The following EDDM3A variants were observed in gnomAD, a reference collection of about 807,000 sequenced individuals.
EDDM3A encodes the protein epididymal protein 3A, also known as epididymal secretory protein E3-alpha.
For synonymous variants in EDDM3A, 75 were observed against 60.4 expected (o/e 1.24, Z -1.12); for missense variants, 199 against 177.4 (o/e 1.12, Z -0.69).
chr14:20,737,426 A>G, the EDDM3A span, among the ~76,000 whole-genome samples: 1 of 152,128 alleles, frequency 6.6e-6, no homozygotes, highest in South Asian at 2.1e-4. Context: ...TTTCTAATAC[A>G]AAACTACAGT....
chr14:20,742,026 C>T (rs896623977), upstream of EDDM3A, among the ~76,000 whole-genome samples: 17 of 152,198 alleles, frequency 1.1e-4, no homozygotes, highest in Admixed American at 3.3e-4. Context: ...AATACCTTAT[C>T]GATTTCTTGG....
chr14:20,742,195 G>A (rs576461518), upstream of EDDM3A, among the ~76,000 whole-genome samples: 54 of 152,344 alleles, frequency 3.5e-4, no homozygotes, highest in Non-Finnish European at 3.1e-4. Context: ...CCTACAAGAG[G>A]TGGGTACTGA....
chr14:20,747,556 CACG>C lies in EDDM3A; in HGVS notation c.-24_-22del. On this transcript the variant is annotated splice_region_variant and 5_prime_UTR_variant, in exon 2 of 2. Transcript: ENST00000326842. Reference sequence around the variant, plus strand: ...TGCTTTTCTTTCTCTTCCCTGTAGACACGCAGGTGGACGTGGTGACTGAGATGA... The same window carrying C: ...TGCTTTTCTTTCTCTTCCCTGTAGACCAGGTGGACGTGGTGACTGAGATGA... 3 of 1,551,844 alleles carry C rather than the reference CACG, an allele frequency of 1.9e-6. No individual in the cohort carries two copies. Among genetic ancestry groups the C allele is most frequent in the Non-Finnish European group, 2.6e-6 (3 of 1,143,490 alleles).
chr14:20,742,393 C>T (rs1183578130), upstream of EDDM3A, among the ~76,000 whole-genome samples: 1 of 152,198 alleles, frequency 6.6e-6, no homozygotes. Flanking sequence ...CTTGCTGGTC[C>T]TCGCGTAAGA....
At chr14:20,736,202 A>G in the EDDM3A span, among the ~76,000 whole-genome samples, 3 of 150,932 alleles carry the variant, frequency 2.0e-5, no homozygotes, top group Non-Finnish European at 2.9e-5. Context: ...CTCCACCTCC[A>G]GGTTTCTAGC....
chr14:20,741,793 G>T (rs915169819), upstream of EDDM3A, among the ~76,000 whole-genome samples: 8 of 152,158 alleles, frequency 5.3e-5, no homozygotes, highest in South Asian at 6.2e-4. Context: ...TATTTCCCAT[G>T]TGGAGCCCTG....
intron 1 of EDDM3A, among the ~76,000 whole-genome samples, 195 bp from the exon 2 acceptor site, chr14:20,747,360 C>G (rs895047106): frequency 5.3e-5 from 8 of 152,110 alleles, no homozygotes; most frequent in Admixed American, 1.3e-4. Context: ...GCCTCCCAAA[C>G]TGCTGGGATT....
rs907677908 is a variant in EDDM3A at position 20,748,086 on chromosome 14, T to A, written c.*62T>A. The stretch of plus-strand genomic sequence containing the variant: ...TCAGTGCTTCCAAAGTGGTGGGCCC[T>A]GCCTCCATCAATAGCCCCTGCCACT... On this transcript the variant is annotated 3_prime_UTR_variant, in exon 2 of 2. Transcript: ENST00000326842. The A allele has an allele frequency of 3.1e-6, 4 of 1,273,082 alleles. No homozygotes were observed. The African/African-American group carries it at 6.0e-5, about 19-fold the overall frequency. The allele number at this position is 1,273,082 out of a possible 1,614,324, so 78.9% of individuals were successfully genotyped here.
At chr14:20,746,933 A>G (rs990943974) in intron 1 of EDDM3A, among the ~76,000 whole-genome samples, 2 of 152,136 alleles carry the variant, frequency 1.3e-5, no homozygotes, top group Non-Finnish European at 2.9e-5. Context: ...ATCTCCTGAG[A>G]GCTTATTTGG....
upstream of EDDM3A, among the ~76,000 whole-genome samples, chr14:20,745,500 T>G (rs1379596630): frequency 1.4e-5 from 2 of 146,922 alleles, no homozygotes; most frequent in African/African-American, 2.5e-5. Context: ...CACTCCAGCC[T>G]GGGCAACAGA....
At chr14:20,743,069 T>C (rs1477936047), upstream of EDDM3A, among the ~76,000 whole-genome samples, 1 of 152,164 alleles carries the variant, frequency 6.6e-6, no homozygotes, top group Non-Finnish European at 1.5e-5. Context: ...AAAATAGAGA[T>C]GTAATTTTCT....
chr14:20,746,460 G>T (rs2139081364), intron 1 of EDDM3A, among the ~76,000 whole-genome samples: 1 of 152,294 alleles, frequency 6.6e-6, no homozygotes, highest in Non-Finnish European at 1.5e-5. Context: ...AGGACAGATA[G>T]CTGGTAAAGA....
chr14:20,738,506 T>TAAATAAATAA, the EDDM3A span, among the ~76,000 whole-genome samples: 171 of 144,426 alleles, frequency 1.2e-3, no homozygotes, highest in African/African-American at 4.2e-3. Context: ...AATAAATAAA[T>TAAATAAATAA]AAACAGTAGC....
In EDDM3A at chr14:20,748,080, G is replaced by A. The variant is rs1877664023; in HGVS notation, c.*56G>A. On this transcript the variant is annotated 3_prime_UTR_variant, in exon 2 of 2. Coordinates refer to ENST00000326842, the MANE Select transcript of EDDM3A (RefSeq NM_006683.5). Reference sequence around the variant, plus strand: ...GAGTATTCAGTGCTTCCAAAGTGGTGGGCCCTGCCTCCATCAATAGCCCCT... The same window carrying A: ...GAGTATTCAGTGCTTCCAAAGTGGTAGGCCCTGCCTCCATCAATAGCCCCT... 2 of 1,397,924 alleles carry A rather than the reference G, an allele frequency of 1.4e-6. No individual in the cohort carries two copies. Among genetic ancestry groups the A allele is most frequent in the East Asian group, 2.3e-5 (1 of 43,424 alleles). 86.6% of individuals were successfully genotyped at this position (1,397,924 alleles called of 1,614,324 possible). A position where few individuals can be genotyped will look rare whatever the true frequency, so the allele number is the denominator to read the frequency against.
intron 1 of EDDM3A, among the ~76,000 whole-genome samples, chr14:20,747,139 T>C (rs1428064992): frequency 6.6e-6 from 1 of 151,110 alleles, no homozygotes; most frequent in African/African-American, 2.4e-5. Flanking sequence ...GTTTTGCTTT[T>C]GTCACCCAGG....
chr14:20,746,188 C>A (rs1434071121), intron 1 of EDDM3A, among the ~76,000 whole-genome samples, 196 bp downstream of exon 1: 1 of 152,184 alleles, frequency 6.6e-6, no homozygotes, highest in Non-Finnish European at 1.5e-5. Context: ...TCCTCCTAAG[C>A]ACAGTGCATT....
At chr14:20,744,719 A>ATTGTAACATTG (rs1877532015), upstream of EDDM3A, among the ~76,000 whole-genome samples, 1 of 152,214 alleles carries the variant, frequency 6.6e-6, no homozygotes, top group Non-Finnish European at 1.5e-5. Context: ...GATGTTACGT[A>ATTGTAACATTG]TAGTAGCATT....
upstream of EDDM3A, among the ~76,000 whole-genome samples, chr14:20,742,639 C>T (rs145712869): frequency 1.2e-4 from 18 of 152,278 alleles, no homozygotes; most frequent in South Asian, 6.2e-4. Context: ...CTCAGTCACC[C>T]AGGCTGGTGC....
At chr14:20,737,085 C>T in the EDDM3A span, among the ~76,000 whole-genome samples, 1 of 138,568 alleles carries the variant, frequency 7.2e-6, no homozygotes, top group Non-Finnish European at 1.5e-5. Context: ...CAGAGTTTAG[C>T]CTTTGTTGCC....
Sources: gnomAD v4.1 joint callset for allele counts (sites outside exome capture counted in the v4.1 genomes callset) on GRCh38, gnomAD v4.1.1 for gene constraint, MANE v1.5 for transcripts, NCBI Gene and HGNC (gene_info 2026-07-23, HGNC 2026-07-21) for gene names.